The following PRDM2 variants were observed in gnomAD, a reference collection of about 807,000 sequenced individuals.
The protein encoded by PRDM2 is PR domain zinc finger protein 2.
Under a neutral mutation model 130.0 loss-of-function variants are expected in PRDM2, and 30 were observed. The observed-to-expected ratio is 0.23, with a 90% confidence interval of 0.17 to 0.31. The LOEUF (loss-of-function observed/expected upper bound fraction) is 0.31, where lower values mean the gene tolerates loss of function less well. Among genes scored for constraint, PRDM2 ranks in the 10% least tolerant of loss-of-function variants. The pLI, the probability that PRDM2 is intolerant of heterozygous loss-of-function variation, is 1.00. For synonymous variants in PRDM2, 871 were observed against 782.4 expected (o/e 1.11, Z -1.89); for missense variants, 2,011 against 2,108.4 (o/e 0.95, Z 0.90).
rs557491848 is a variant in PRDM2, at chr1:13,744,037, C to G, written c.384+1880C>G. 2.6e-5 allele frequency among the ~76,000 whole-genome samples: 4 copies of G among 152,224 alleles called. No individual in the cohort carries two copies. In the East Asian group the frequency reaches 7.7e-4, roughly 29 times the overall value. On this transcript the variant is annotated intron_variant, in intron 5 of 9. Coordinates refer to ENST00000311066, the MANE Select transcript of PRDM2 (RefSeq NM_001393986.1). Reference sequence around the variant, plus strand: ...GTTGAATCCTGGTGGAGATGAAATACTAGCTAGGGGATGAATATGAGACAA... The same window carrying G: ...GTTGAATCCTGGTGGAGATGAAATAGTAGCTAGGGGATGAATATGAGACAA...
At chr1:13,727,490 G>A (rs1451051232) in intron 2 of PRDM2, among the ~76,000 whole-genome samples, 1 of 152,060 alleles carries the variant, frequency 6.6e-6, no homozygotes, top group Non-Finnish European at 1.5e-5. Context: ...CCTGACCTCA[G>A]GTAATCTGCC....
chr1:13,753,142 C>T (rs142907571), intron 6 of PRDM2, among the ~76,000 whole-genome samples: 92 of 152,334 alleles, frequency 6.0e-4, no homozygotes, highest in African/African-American at 2.1e-3. Flanking sequence ...TGTGCTGATT[C>T]ACCCTTATTT....
chr1:13,785,416 C>A (rs1211671747), intron 8 of PRDM2, among the ~76,000 whole-genome samples: 1 of 152,194 alleles, frequency 6.6e-6, no homozygotes, highest in South Asian at 2.1e-4. Flanking sequence ...TTTCCATACT[C>A]AGATATTTTA....
rs1642057356 is a variant in PRDM2, at chr1:13,700,997, T to A, written c.-66+697T>A. ...ACATGAAGTAAACCTAACAGGTCAG[T>A]GTCATTCCCCAAACCTTCGTGGTTC... On this transcript the variant is annotated intron_variant, in intron 1 of 9. Coordinates refer to ENST00000311066, the MANE Select transcript of PRDM2 (RefSeq NM_001393986.1). Among the ~76,000 whole-genome samples the A allele has an allele frequency of 2.6e-5, 4 of 152,194 alleles. No individual in the cohort carries two copies. In the South Asian group the frequency reaches 8.3e-4, roughly 32 times the overall value.
intron 4 of PRDM2, 99 bp from the exon 5 acceptor site, chr1:13,741,906 C>A: frequency 1.1e-6 from 1 of 926,762 alleles, no homozygotes; most frequent in Non-Finnish European, 1.6e-6. Context: ...AGAGTACTTG[C>A]ATATAATGAA....
At chr1:13,741,720 T>TTGTGTGTGTG (rs200384633) in intron 4 of PRDM2, among the ~76,000 whole-genome samples, 9,215 of 112,388 alleles carry the variant, frequency 0.082, 784 homozygotes, top group African/African-American at 0.11. Flanking sequence ...CTCTTTAAGT[T>TTGTGTGTGTG]TGTGTGTGTG....
intron 9 of PRDM2, among the ~76,000 whole-genome samples, chr1:13,819,634 G>A (rs952045674): frequency 6.6e-6 from 1 of 152,212 alleles, no homozygotes; most frequent in Non-Finnish European, 1.5e-5. Context: ...ACCACTGACT[G>A]TGTGGCTTAA....
intron 1 of PRDM2, 67 bp from the exon 2 acceptor site, chr1:13,715,474 A>G (rs779731655): frequency 4.5e-6 from 3 of 670,634 alleles, no homozygotes; most frequent in South Asian, 2.7e-5. Flanking sequence ...ACAGTTCTGT[A>G]TGTGGTTTTA....
At chr1:13,762,406 T>C (rs1228974597) in intron 6 of PRDM2, among the ~76,000 whole-genome samples, 1 of 152,244 alleles carries the variant, frequency 6.6e-6, no homozygotes. Context: ...GCCCACTGTC[T>C]CGCCTCAGTT....
At chr1:13,795,999 G>A (rs1644917195) in intron 8 of PRDM2, among the ~76,000 whole-genome samples, 1 of 152,192 alleles carries the variant, frequency 6.6e-6, no homozygotes, top group Non-Finnish European at 1.5e-5. Context: ...TTGTATGCAG[G>A]AAGGCGAGTG....
At chr1:13,809,658 G>A (rs1452110545) in intron 8 of PRDM2, among the ~76,000 whole-genome samples, 4 of 152,188 alleles carry the variant, frequency 2.6e-5, no homozygotes, top group South Asian at 2.1e-4. Flanking sequence ...TGAGTCATCT[G>A]TGTGAGGCTG....
At position 13,779,697 on chromosome 1, in the gene PRDM2, T is replaced by A. The variant is rs200331254; in HGVS notation, c.1902T>A (p.Ser634Arg). 6.2e-7 allele frequency: 1 copy of A among 1,613,968 alleles called. No individual in the cohort carries two copies. ...AAGAGCCTTTGGGCAGCACAAATAGTGAGGCCAAGAAGCGGAGAACTGCGA... is the reference window on the plus strand; with the variant it reads ...AAGAGCCTTTGGGCAGCACAAATAGAGAGGCCAAGAAGCGGAGAACTGCGA... ...LPKEPLGSTN[S>R]EAKKRRTASP... The change falls in exon 8 of 10, where the codon AGT becomes AGA. Residue 634 changes from serine (S) to arginine (R), a missense_variant. Ser to Arg is a moderately radical substitution (Grantham distance 110). Around this residue, in one of 5 missense-constraint regions of PRDM2, gnomAD observed 1,288 missense variants for 1,237.7 expected, o/e 1.04. Transcript: ENST00000311066. The surrounding 1 kb of genome is among the most constrained non-coding windows in gnomAD (Gnocchi z 4.9).
intron 1 of PRDM2, among the ~76,000 whole-genome samples, chr1:13,709,650 A>G (rs926348931): frequency 3.3e-5 from 5 of 152,174 alleles, no homozygotes; most frequent in African/African-American, 1.2e-4. Context: ...GTTGGCCATG[A>G]ACTTTCTAAG....
rs76046247 is a variant in PRDM2, at chr1:13,748,421, A to G, written c.385-940A>G. 4.4e-3 allele frequency among the ~76,000 whole-genome samples: 676 copies of G among 152,234 alleles called. 7 individuals carry two copies. Among genetic ancestry groups the G allele is most frequent in the African/African-American group, 0.015 (630 of 41,540 alleles). ...TAAGGAAGAGCTTTCCTTTTTATTT[A>G]CTTGTTCATTCCTTCCTTTCTTCAT... On this transcript the variant is annotated intron_variant, in intron 5 of 9. Transcript: ENST00000311066.
At chr1:13,783,811 G>A (rs1644677592) in intron 8 of PRDM2, among the ~76,000 whole-genome samples, 2 of 152,082 alleles carry the variant, frequency 1.3e-5, no homozygotes, top group Non-Finnish European at 2.9e-5. Flanking sequence ...TTTAAGTCTT[G>A]TCTTTTCACA....
At chr1:13,763,005 G>A (rs1644138001) in intron 6 of PRDM2, among the ~76,000 whole-genome samples, 1 of 152,228 alleles carries the variant, frequency 6.6e-6, no homozygotes, top group Admixed American at 6.5e-5. Flanking sequence ...GGTGGGCCGA[G>A]TGATTAGGTA....
chr1:13,806,660 C>T lies in PRDM2; in HGVS notation c.5037-9767C>T, dbSNP rs530610206. Among the ~76,000 whole-genome samples the T allele has an allele frequency of 2.0e-5, 3 of 152,142 alleles. No homozygotes were observed. The highest frequency in any genetic ancestry group is 4.4e-5 in the Non-Finnish European group (3 of 68,024). On this transcript the variant is annotated intron_variant, in intron 8 of 9. Coordinates refer to ENST00000311066, the MANE Select transcript of PRDM2 (RefSeq NM_001393986.1). The surrounding 1 kb of genome is among the most constrained non-coding windows in gnomAD (Gnocchi z 4.1). ...TCAGCCTCCTCAGCTGACCTGAGGT[C>T]CAGGCCACCATCATCTCCCTGGATG...
Position 13,782,646 on chromosome 1 carries a change from A to C in PRDM2, c.4851A>C (p.Lys1617Asn). 6.2e-7 allele frequency: 1 copy of C among 1,614,154 alleles called. No individual in the cohort carries two copies. The highest frequency in any genetic ancestry group is 8.5e-7 in the Non-Finnish European group (1 of 1,180,038). The change falls in exon 8 of 10, where the codon AAA becomes AAC. Residue 1617 changes from lysine to asparagine, a missense_variant. Coordinates refer to ENST00000311066, the MANE Select transcript of PRDM2 (RefSeq NM_001393986.1). The part of the protein sequence containing the change: ...TSRSLHVRVQ[K>N]SKAVLQSKST... ...GGAGCCTGCACGTGAGGGTACAGAA[A>C]AGCAAAGCTGTTTTACAAAGCAAAT...
intron 6 of PRDM2, among the ~76,000 whole-genome samples, chr1:13,772,682 A>G (rs1190564670): frequency 6.6e-6 from 1 of 152,178 alleles, no homozygotes; most frequent in Admixed American, 6.5e-5. Flanking sequence ...GTTTTTCTCT[A>G]ATATGCTTCT....
Sources: gnomAD v4.1 joint callset for allele counts (sites outside exome capture counted in the v4.1 genomes callset) on GRCh38, gnomAD v4.1.1 for gene constraint, gnomAD v4.1.1 regional missense constraint, Gnocchi (gnomAD v3.1) non-coding constraint, MANE v1.5 for transcripts, NCBI Gene and HGNC (gene_info 2026-07-23, HGNC 2026-07-21) for gene names.